Variants in PITPNC1 observed in about 807,000 individuals in gnomAD.
PITPNC1 encodes phosphatidylinositol transfer protein cytoplasmic 1.
In PITPNC1, 18 loss-of-function variants were observed where a neutral mutation model predicts 44.7. The ratio of observed to expected loss-of-function variants is 0.40; its 90% CI spans 0.28 to 0.60. The LOEUF (loss-of-function observed/expected upper bound fraction) is 0.60, where lower values mean the gene tolerates loss of function less well. PITPNC1 is among the 20% of genes least tolerant of loss of function. The pLI, the probability that PITPNC1 is intolerant of heterozygous loss-of-function variation, is 0.39. For synonymous variants in PITPNC1, 141 were observed against 149.6 expected (o/e 0.94, Z 0.42); for missense variants, 290 against 418.4 (o/e 0.69, Z 2.68).
At chr17:67,515,813 A>C (rs2144098680) in intron 1 of PITPNC1, among the ~76,000 whole-genome samples, 1 of 152,310 alleles carries the variant, frequency 6.6e-6, no homozygotes, top group South Asian at 2.1e-4. Flanking sequence ...AAACATTCAA[A>C]TCCAAAGGCA....
rs773797594 is a variant in PITPNC1, at chr17:67,522,659, C to CTTTTTTTTTTTTTT, written c.49-10142_49-10129dup. Among the ~76,000 whole-genome samples, 21 of 117,198 alleles carry CTTTTTTTTTTTTTT rather than the reference C, an allele frequency of 1.8e-4. 3 individuals carry two copies. The highest frequency in any genetic ancestry group is 1.3e-3 in the South Asian group (5 of 3,864). The allele number at this position is 117,198 out of a possible 152,430, so 76.9% of individuals were successfully genotyped here. On this transcript the variant is annotated intron_variant, in intron 1 of 8. Coordinates refer to ENST00000581322, the MANE Select transcript of PITPNC1 (RefSeq NM_012417.4). Reference sequence around the variant, plus strand: ...ATATCATAAAATTTACCATTTTAATCTTTTTTTTTTTTTTGGAAAATGAGG... The same window carrying CTTTTTTTTTTTTTT: ...ATATCATAAAATTTACCATTTTAATCTTTTTTTTTTTTTTTTTTTTTTTTTTTTGGAAAATGAGG...
At chr17:67,443,766 T>C (rs2039052469) in intron 1 of PITPNC1, among the ~76,000 whole-genome samples, 1 of 151,186 alleles carries the variant, frequency 6.6e-6, no homozygotes, top group Non-Finnish European at 1.5e-5. Flanking sequence ...TCCTGAGTAG[T>C]TGGAATTACA....
intron 2 of PITPNC1, among the ~76,000 whole-genome samples, chr17:67,536,587 G>A (rs2040533732): frequency 6.6e-6 from 1 of 152,096 alleles, no homozygotes; most frequent in Non-Finnish European, 1.5e-5. Context: ...TCTCTGAAGA[G>A]GTGGTAAAAC....
intron 1 of PITPNC1, among the ~76,000 whole-genome samples, chr17:67,416,974 G>A (rs7225974): frequency 0.48 from 72,933 of 151,272 alleles, 18,000 homozygotes; most frequent in African/African-American, 0.59. Flanking sequence ...CACCATGCCC[G>A]GCTAATTTTG....
rs1424581200 is a variant in PITPNC1, at chr17:67,695,984, A to C, written c.*3096A>C. 2 of 152,224 alleles carry C rather than the reference A, an allele frequency of 1.3e-5. No homozygotes were observed. Among genetic ancestry groups the C allele is most frequent in the Non-Finnish European group, 2.9e-5 (2 of 68,036 alleles). 9.4% of individuals were successfully genotyped at this position (152,224 alleles called of 1,614,324 possible). On this transcript the variant is annotated 3_prime_UTR_variant, in exon 9 of 9. Coordinates refer to ENST00000581322, the MANE Select transcript of PITPNC1 (RefSeq NM_012417.4). ...AGACAAAGCAAAGGAAAAGGAACAC[A>C]ATGAAGGAGGCCGTGACATTTTTAG... is the stretch of plus-strand genomic sequence containing the variant.
rs1380540532 is a variant in PITPNC1, at chr17:67,631,673, A to ATATATATATATATATAT, written c.367-470_367-469insTATATATATATATATAT. 2.1e-3 allele frequency among the ~76,000 whole-genome samples: 108 copies of ATATATATATATATATAT among 52,396 alleles called. 1 individual carries two copies. The highest frequency in any genetic ancestry group is 9.8e-3 in the Middle Eastern group (1 of 102). 34.4% of individuals were successfully genotyped at this position (52,396 alleles called of 152,430 possible). Reference sequence around the variant, plus strand: ...AAAAAAAAAAATATATATATATATAAAATATATATTTTTAACATATATATA... The same window carrying ATATATATATATATATAT: ...AAAAAAAAAAATATATATATATATAATATATATATATATATATAATATATATTTTTAACATATATATA... On this transcript the variant is annotated intron_variant, in intron 5 of 8. Coordinates refer to ENST00000581322, the MANE Select transcript of PITPNC1 (RefSeq NM_012417.4).
intron 1 of PITPNC1, among the ~76,000 whole-genome samples, chr17:67,391,060 C>CGTCTGTGT (rs1555646289): frequency 2.0e-5 from 3 of 146,798 alleles, no homozygotes; most frequent in African/African-American, 7.6e-5. Flanking sequence ...ACTTTTTTAG[C>CGTCTGTGT]GTGTGTGTGT....
chr17:67,426,651 G>A (rs2038770468), intron 1 of PITPNC1, among the ~76,000 whole-genome samples: 1 of 151,970 alleles, frequency 6.6e-6, no homozygotes, highest in African/African-American at 2.4e-5. Context: ...TGGATCAATA[G>A]GTGCAGCAAA....
intron 1 of PITPNC1, among the ~76,000 whole-genome samples, chr17:67,401,459 ATCTGAC>A (rs2038309676): frequency 6.6e-6 from 1 of 152,180 alleles, no homozygotes; most frequent in African/African-American, 2.4e-5. Flanking sequence ...TTTAGTTGGT[ATCTGAC>A]TCCTTAGAGC....
intron 6 of PITPNC1, among the ~76,000 whole-genome samples, chr17:67,667,142 C>A (rs2042435047): frequency 6.6e-6 from 1 of 152,178 alleles, no homozygotes; most frequent in South Asian, 2.1e-4. Flanking sequence ...CTTTCCCTTC[C>A]TGGGGTCCAA....
intron 1 of PITPNC1, among the ~76,000 whole-genome samples, chr17:67,381,808 A>G (rs1463159859): frequency 2.6e-5 from 4 of 152,134 alleles, no homozygotes; most frequent in African/African-American, 9.7e-5. Flanking sequence ...TACTTTTGAA[A>G]ATGAAGCAAA....
At chr17:67,618,462 T>C (rs1269726847) in intron 5 of PITPNC1, among the ~76,000 whole-genome samples, 2 of 151,880 alleles carry the variant, frequency 1.3e-5, no homozygotes, top group East Asian at 3.9e-4. Context: ...AAAAACATCT[T>C]GTTCCTGGCT....
In PITPNC1 at chr17:67,377,433, C is replaced by G. The variant is rs2037888254; in HGVS notation, c.-722C>G. The G allele has an allele frequency of 6.5e-6, 1 of 152,864 alleles. No homozygotes were observed. The highest frequency in any genetic ancestry group is 1.5e-5 in the Non-Finnish European group (1 of 68,034). 9.5% of individuals were successfully genotyped at this position (152,864 alleles called of 1,614,324 possible). On this transcript the variant is annotated 5_prime_UTR_variant, in exon 1 of 9. Transcript: ENST00000581322. ...CGCGGAAGGCGCCAGCTTCCTCCCG[C>G]CCGCCCCTGGCAGCCGCGAGCCGAG...
chr17:67,499,246 G>A (rs893767222), intron 1 of PITPNC1, among the ~76,000 whole-genome samples: 2 of 151,934 alleles, frequency 1.3e-5, no homozygotes, highest in African/African-American at 4.8e-5. Context: ...GCAGAGTCTC[G>A]CTCTGTTGCC....
intron 1 of PITPNC1, among the ~76,000 whole-genome samples, chr17:67,497,019 G>A (rs371274770): frequency 1.3e-5 from 2 of 152,044 alleles, no homozygotes; most frequent in Non-Finnish European, 2.9e-5. Context: ...CCAGCTACTC[G>A]GGAGGCTGAG....
chr17:67,404,190 T>C (rs531167556), intron 1 of PITPNC1, among the ~76,000 whole-genome samples: 134 of 152,326 alleles, frequency 8.8e-4, no homozygotes, highest in African/African-American at 3.1e-3. Flanking sequence ...TTTACTGGAA[T>C]GGTAACATTT....
chr17:67,408,717 CCTTCCTTCCTTCCTTT>C (rs1567978420), intron 1 of PITPNC1: 6 of 94,756 alleles, frequency 6.3e-5, no homozygotes, highest in South Asian at 3.2e-4. Context: ...TTCCTTCCTT[CCTTCCTTCCTTCCTTT>C]CTTTCTTTCT....
chr17:67,445,981 CTG>C (rs2039087237), intron 1 of PITPNC1, among the ~76,000 whole-genome samples: 1 of 151,930 alleles, frequency 6.6e-6, no homozygotes, highest in Non-Finnish European at 1.5e-5. Flanking sequence ...GAATCTCACT[CTG>C]TCGCCCAGGC....
intron 2 of PITPNC1, among the ~76,000 whole-genome samples, chr17:67,550,992 C>T (rs1344564778): frequency 6.6e-6 from 1 of 152,024 alleles, no homozygotes; most frequent in African/African-American, 2.4e-5. Flanking sequence ...ACCTGGGAGG[C>T]GGAGCTTGCA....
Sources: allele counts gnomAD v4.1 joint callset (sites outside exome capture counted in the v4.1 genomes callset), GRCh38; gene constraint gnomAD v4.1.1; transcripts MANE v1.5; gene names NCBI Gene and HGNC (gene_info 2026-07-23, HGNC 2026-07-21).